ACOT1: variants seen among roughly 807,000 people sequenced by gnomAD.
The protein encoded by ACOT1 is acyl-CoA thioesterase 1, also known as acyl-coenzyme A thioesterase 1.
ACOT1 carries 8 observed loss-of-function variants against 15.7 expected under a neutral mutation model. The ratio of observed to expected loss-of-function variants is 0.51; its 90% CI spans 0.30 to 0.92. The LOEUF (loss-of-function observed/expected upper bound fraction) is 0.92, where lower values mean the gene tolerates loss of function less well. ACOT1 is among the 40% of genes least tolerant of loss of function. The probability of loss-of-function intolerance (pLI) is 0.06; values close to 1 mark genes in which losing one functional copy is unlikely to be tolerated. For synonymous variants in ACOT1, 67 were observed against 241.2 expected (o/e 0.28, Z 6.69); for missense variants, 151 against 539.4 (o/e 0.28, Z 7.13).
At chr14:73,515,148 C>G in the ACOT1 span, among the ~76,000 whole-genome samples, 1 of 151,656 alleles carries the variant, frequency 6.6e-6, no homozygotes, top group Non-Finnish European at 1.5e-5. Flanking sequence ...TAGAAAGCCT[C>G]TTTCTCAGAA....
the ACOT1 span, chr14:73,512,064 G>C: frequency 6.2e-7 from 1 of 1,614,122 alleles, no homozygotes; most frequent in Non-Finnish European, 8.5e-7. Flanking sequence ...TGGCACATGT[G>C]GTGATAGCTT....
chr14:73,509,451 C>T, the ACOT1 span: 21 of 1,613,986 alleles, frequency 1.3e-5, no homozygotes, highest in East Asian at 1.6e-4. Context: ...GTAGAACCTC[C>T]GGCAAGTCCT....
the ACOT1 span, chr14:73,514,243 C>T: frequency 3.3e-5 from 54 of 1,612,672 alleles, no homozygotes; most frequent in Admixed American, 5.3e-4. Flanking sequence ...AGCTGTGCAA[C>T]GTGGCAGTGT....
At chr14:73,529,218 A>C in the ACOT1 span, 1 of 152,020 alleles carries the variant, frequency 6.6e-6, no homozygotes, top group Non-Finnish European at 1.5e-5. Flanking sequence ...AGCCAGGCGC[A>C]GTGGTACATG....
the ACOT1 span, chr14:73,527,319 G>A: frequency 6.6e-6 from 1 of 151,894 alleles, no homozygotes; most frequent in African/African-American, 2.4e-5. Context: ...TAAGGCACCA[G>A]TGACCAATCC....
the ACOT1 span, among the ~76,000 whole-genome samples, chr14:73,524,310 A>AAAAAAAAAATATATATAT: frequency 7.3e-5 from 4 of 54,780 alleles, no homozygotes; most frequent in South Asian, 7.9e-4. Flanking sequence ...AAAAAAAAAA[A>AAAAAAAAAATATATATAT]ATATATATAT....
the ACOT1 span, among the ~76,000 whole-genome samples, chr14:73,528,392 C>CAAAAAAAAAAAA: frequency 2.3e-5 from 2 of 88,492 alleles, no homozygotes; most frequent in African/African-American, 4.8e-5. Flanking sequence ...AACTTCATCT[C>CAAAAAAAAAAAA]AAAAAAAAAA....
the ACOT1 span, chr14:73,508,247 C>T: frequency 2.4e-5 from 38 of 1,613,986 alleles, no homozygotes; most frequent in Middle Eastern, 1.5e-3. Context: ...GTAGCAGTAC[C>T]TTCCAGAGCC....
chr14:73,509,515 G>C, the ACOT1 span: 1 of 1,602,676 alleles, frequency 6.2e-7, no homozygotes, highest in East Asian at 2.2e-5. Context: ...TAGCCCCTTT[G>C]CTTTTCTCAC....
At chr14:73,532,607 A>C (rs1317091907), upstream of ACOT1, among the ~76,000 whole-genome samples, 3 of 115,252 alleles carry the variant, frequency 2.6e-5, 1 homozygote, top group Non-Finnish European at 5.7e-5. Context: ...CTCAAGCTGC[A>C]CTCAGATGGT....
the ACOT1 span, among the ~76,000 whole-genome samples, chr14:73,524,782 C>T: frequency 6.6e-6 from 1 of 151,776 alleles, no homozygotes. Context: ...AGGTAGGCCT[C>T]CTTATGTGTA....
At chr14:73,518,641 G>A in the ACOT1 span, among the ~76,000 whole-genome samples, 1 of 152,148 alleles carries the variant, frequency 6.6e-6, no homozygotes, top group East Asian at 1.9e-4. Flanking sequence ...AGTGTGGAGT[G>A]GGAGGGTAGA....
At chr14:73,490,979 C>G in the ACOT1 span, 1 of 1,321,402 alleles carries the variant, frequency 7.6e-7, no homozygotes, top group Non-Finnish European at 9.7e-7. Flanking sequence ...TAGCTTCGCC[C>G]CCGGCCGGCC....
chr14:73,513,571 C>T, the ACOT1 span, among the ~76,000 whole-genome samples: 2 of 151,240 alleles, frequency 1.3e-5, no homozygotes, highest in East Asian at 3.9e-4. Context: ...ACCAAAGATA[C>T]AAAAAGTTAA....
chr14:73,511,932 G>A, the ACOT1 span: 1 of 1,579,550 alleles, frequency 6.3e-7, no homozygotes, highest in South Asian at 1.1e-5. Flanking sequence ...TAAGCCCTGG[G>A]TCCCTACCAG....
chr14:73,505,890 C>CTTTTTTTT, the ACOT1 span, among the ~76,000 whole-genome samples: 2 of 113,340 alleles, frequency 1.8e-5, no homozygotes, highest in Non-Finnish European at 1.8e-5. Context: ...ATAAACGTTT[C>CTTTTTTTT]TTTTTTTTTT....
At chr14:73,509,851 TA>T in the ACOT1 span, among the ~76,000 whole-genome samples, 3 of 83,938 alleles carry the variant, frequency 3.6e-5, no homozygotes, top group South Asian at 3.4e-4. Flanking sequence ...TATATATATA[TA>T]TATATATATA....
chr14:73,538,256 G>C lies in ACOT1; in HGVS notation c.457+378G>C, dbSNP rs1489995653. On this transcript the variant is annotated intron_variant, in intron 1 of 2. Coordinates refer to ENST00000311148, the MANE Select transcript of ACOT1 (RefSeq NM_001037161.2). Reference sequence around the variant, plus strand: ...GGAGACAGGAATGGAATGGAAAGTTGGTTGGGGAATTGCCCCTGCCGCTCC... The same window carrying C: ...GGAGACAGGAATGGAATGGAAAGTTCGTTGGGGAATTGCCCCTGCCGCTCC... 2.6e-5 allele frequency among the ~76,000 whole-genome samples: 3 copies of C among 115,068 alleles called. 1 individual carries two copies. The highest frequency in any genetic ancestry group is 5.7e-5 in the Non-Finnish European group (3 of 52,768). 75.5% of individuals were successfully genotyped at this position (115,068 alleles called of 152,430 possible).
chr14:73,531,601 G>A, the ACOT1 span, among the ~76,000 whole-genome samples: 1 of 108,828 alleles, frequency 9.2e-6, no homozygotes, highest in African/African-American at 3.0e-5. Flanking sequence ...TAGAGATGGG[G>A]TTTCACCATA....
Sources: allele counts gnomAD v4.1 joint callset (sites outside exome capture counted in the v4.1 genomes callset), GRCh38; gene constraint gnomAD v4.1.1; transcripts MANE v1.5; gene names NCBI Gene and HGNC (gene_info 2026-07-23, HGNC 2026-07-21).